The following PDK2 variants were observed in gnomAD, a reference collection of about 807,000 sequenced individuals.
PDK2 encodes pyruvate dehydrogenase kinase 2.
A neutral mutation model predicts 50.4 loss-of-function variants in PDK2; 34 were observed. The ratio of observed to expected loss-of-function variants is 0.68; its 90% CI spans 0.51 to 0.90. PDK2 has a LOEUF of 0.90. Among genes scored for constraint, PDK2 ranks in the 40% least tolerant of loss-of-function variants. PDK2 has a pLI of 0.00. For synonymous variants in PDK2, 232 were observed against 216.0 expected (o/e 1.07, Z -0.65); for missense variants, 377 against 544.5 (o/e 0.69, Z 3.06).
chr17:50,097,697 C>T, intron 2 of PDK2, 133 bp downstream of exon 2: 13 of 1,064,702 alleles, frequency 1.2e-5, no homozygotes, highest in Non-Finnish European at 1.5e-5. Context: ...AAGCCCCAAG[C>T]GCTTGGAGTT....
chr17:50,110,284 A>G lies in PDK2; in HGVS notation c.*187A>G. The G allele has an allele frequency of 1.8e-6, 1 of 543,108 alleles. No individual in the cohort carries two copies. The highest frequency in any genetic ancestry group is 4.4e-5 in the South Asian group (1 of 22,866). The allele number at this position is 543,108 out of a possible 1,614,324, so 33.6% of individuals were successfully genotyped here. A position where few individuals can be genotyped will look rare whatever the true frequency, so the allele number is the denominator to read the frequency against. ...CCTAAGTGCCAGTCCATCTCTGTGGAGACCCCTCGGTGGCCTCCCTATCTC... is the reference window on the plus strand; with the variant it reads ...CCTAAGTGCCAGTCCATCTCTGTGGGGACCCCTCGGTGGCCTCCCTATCTC... On this transcript the variant is annotated 3_prime_UTR_variant, in exon 11 of 11. Coordinates refer to ENST00000503176, the MANE Select transcript of PDK2 (RefSeq NM_002611.5).
intron 3 of PDK2, 117 bp from the exon 4 acceptor site, chr17:50,105,768 C>T: frequency 1.5e-6 from 2 of 1,357,754 alleles, no homozygotes; most frequent in Non-Finnish European, 1.0e-6. Context: ...GCAGGGAGGG[C>T]ACTGGGAGTC....
rs1384666068 is a variant in PDK2 at position 50,105,893 on chromosome 17, A to G, written c.341A>G (p.Asp114Gly). ...TCTGCCCTGCCCCACAGGTTCACTG[A>G]CGCCCTGGTCACCATCCGGAACCGG... ...EDHRTLSQFT[D>G]ALVTIRNRHN... The change falls in exon 4 of 11, where the codon GAC becomes GGC. Residue 114 changes from aspartate to glycine, a missense_variant. By Grantham distance (94) the Asp-to-Gly change is moderately conservative. Around this residue, in one of 3 missense-constraint regions of PDK2, gnomAD observed 63 missense variants for 135.1 expected, o/e 0.47. Coordinates refer to ENST00000503176, the MANE Select transcript of PDK2 (RefSeq NM_002611.5). 17 of 1,613,204 alleles carry G rather than the reference A, an allele frequency of 1.1e-5. No individual in the cohort carries two copies. The highest frequency in any genetic ancestry group is 1.4e-5 in the Non-Finnish European group (17 of 1,179,686).
chr17:50,110,295 T>A lies in PDK2; in HGVS notation c.*198T>A. ...GTCCATCTCTGTGGAGACCCCTCGGTGGCCTCCCTATCTCTGTGGGCGATG... is the reference window on the plus strand; with the variant it reads ...GTCCATCTCTGTGGAGACCCCTCGGAGGCCTCCCTATCTCTGTGGGCGATG... On this transcript the variant is annotated 3_prime_UTR_variant, in exon 11 of 11. Transcript: ENST00000503176. The A allele has an allele frequency of 2.1e-6, 1 of 483,146 alleles. No homozygotes were observed. The highest frequency in any genetic ancestry group is 3.5e-6 in the Non-Finnish European group (1 of 285,358). The allele number at this position is 483,146 out of a possible 1,614,324, so 29.9% of individuals were successfully genotyped here.
At chr17:50,105,784 G>T in intron 3 of PDK2, 101 bp from the exon 4 acceptor site, 1 of 1,460,246 alleles carries the variant, frequency 6.8e-7, no homozygotes, top group South Asian at 1.3e-5. Flanking sequence ...GAGTCCATCG[G>T]ATTGGGAAGG....
intron 2 of PDK2, chr17:50,105,138 G>A (rs1910438437): frequency 2.2e-6 from 1 of 450,352 alleles, no homozygotes; most frequent in Non-Finnish European, 3.9e-6. Flanking sequence ...CCAAAGCAAA[G>A]GTGCTAAACG....
chr17:50,095,099 G>A (rs577897706), upstream of PDK2, among the ~76,000 whole-genome samples: 18 of 152,364 alleles, frequency 1.2e-4, 2 homozygotes, highest in South Asian at 2.1e-3. Context: ...GGTTAACCCG[G>A]GCTTCGCCCC....
chr17:50,106,959 C>A, intron 5 of PDK2, 76 bp downstream of exon 5: 2 of 1,483,594 alleles, frequency 1.3e-6, no homozygotes, highest in Non-Finnish European at 1.9e-6. Flanking sequence ...CAGAGGGTGA[C>A]TCGTTCCTCA....
intron 5 of PDK2, 61 bp downstream of exon 5, chr17:50,106,944 C>G: frequency 6.6e-7 from 1 of 1,520,322 alleles, no homozygotes; most frequent in Non-Finnish European, 9.1e-7. Context: ...CCAAGCTTAC[C>G]TGGCCAGAGG....
chr17:50,102,308 G>A (rs1233490880), intron 2 of PDK2, among the ~76,000 whole-genome samples: 5 of 152,218 alleles, frequency 3.3e-5, no homozygotes, highest in African/African-American at 4.8e-5. Flanking sequence ...ACTCCATGCC[G>A]GTGCCCTTTG....
In PDK2 at chr17:50,101,468, G is replaced by A. The variant is rs944366646; in HGVS notation, c.261-3903G>A. Among the ~76,000 whole-genome samples, 10 of 152,102 alleles carry A rather than the reference G, an allele frequency of 6.6e-5. No homozygotes were observed. The highest frequency in any genetic ancestry group is 2.2e-4 in the African/African-American group (9 of 41,414). Reference sequence around the variant, plus strand: ...TGCCTGGCTCAGAGGCTCCGGAGGCGGGACACCGCCACCTCTCCCCCAAGT... The same window carrying A: ...TGCCTGGCTCAGAGGCTCCGGAGGCAGGACACCGCCACCTCTCCCCCAAGT... On this transcript the variant is annotated intron_variant, in intron 2 of 10. Coordinates refer to ENST00000503176, the MANE Select transcript of PDK2 (RefSeq NM_002611.5). This position sits in a 1 kb window ranked among gnomAD's most constrained non-coding sequence, Gnocchi z 4.2.
chr17:50,101,361 T>A lies in PDK2; in HGVS notation c.260+3797T>A, dbSNP rs1259964099. Among the ~76,000 whole-genome samples the A allele has an allele frequency of 6.6e-6, 1 of 152,092 alleles. No homozygotes were observed. The highest frequency in any genetic ancestry group is 1.9e-4 in the East Asian group (1 of 5,180). ...ACACCCAGGCCCATGAGGTGCTTAC[T>A]CCCATGAACCCCATTTTGCAAATGG... On this transcript the variant is annotated intron_variant, in intron 2 of 10. Transcript: ENST00000503176. This position sits in a 1 kb window ranked among gnomAD's most constrained non-coding sequence, Gnocchi z 4.2.
At chr17:50,107,437 C>T (rs140973602) in intron 6 of PDK2, among the ~76,000 whole-genome samples, 71 of 152,128 alleles carry the variant, frequency 4.7e-4, no homozygotes, top group African/African-American at 1.5e-3. Flanking sequence ...AAAAATTAGC[C>T]GGGCATGATG....
At chr17:50,102,657 G>C (rs1910297787) in intron 2 of PDK2, among the ~76,000 whole-genome samples, 1 of 152,222 alleles carries the variant, frequency 6.6e-6, no homozygotes, top group South Asian at 2.1e-4. Context: ...TTTTGGGTGC[G>C]TTTAGGGAGC....
chr17:50,106,969 A>T, intron 5 of PDK2, 86 bp downstream of exon 5: 2 of 1,471,154 alleles, frequency 1.4e-6, no homozygotes, highest in South Asian at 2.3e-5. Context: ...CTCGTTCCTC[A>T]GTAAGGGGTG....
At position 50,109,143 on chromosome 17, in the gene PDK2, C is replaced by A; in HGVS notation, c.970-144C>A. The A allele has an allele frequency of 1.7e-6, 1 of 597,966 alleles. No individual in the cohort carries two copies. The highest frequency in any genetic ancestry group is 3.0e-5 in the Admixed American group (1 of 33,680). 37.0% of individuals were successfully genotyped at this position (597,966 alleles called of 1,614,324 possible). On this transcript the variant is annotated intron_variant, in intron 9 of 10. Coordinates refer to ENST00000503176, the MANE Select transcript of PDK2 (RefSeq NM_002611.5). This position sits in a 1 kb window ranked among gnomAD's most constrained non-coding sequence, Gnocchi z 5.0. ...CCACACACACTTCTTACCTCAGTGT[C>A]CCCTCCCACATGTCCCCTCCCAGCT...
intron 2 of PDK2, among the ~76,000 whole-genome samples, chr17:50,099,653 C>T (rs550250444): frequency 9.2e-5 from 14 of 152,282 alleles, no homozygotes; most frequent in South Asian, 2.1e-4. Context: ...ATTAGCCGGG[C>T]GCGGTGGCGG....
chr17:50,095,407 C>G lies in PDK2; in HGVS notation c.-29C>G, dbSNP rs769978611. On this transcript the variant is annotated 5_prime_UTR_variant, in exon 1 of 11. Coordinates refer to ENST00000503176, the MANE Select transcript of PDK2 (RefSeq NM_002611.5). ...TGCGCGAGCGCTGCCCGCGCGGGGA[C>G]CACAACCAAAGTCGCGGCCGCCGCA... 8 of 1,543,444 alleles carry G rather than the reference C, an allele frequency of 5.2e-6. No homozygotes were observed. The South Asian group carries it at 8.0e-5, about 15-fold the overall frequency.
chr17:50,105,319 G>T, intron 2 of PDK2, 52 bp from the exon 3 acceptor site: 1 of 1,402,288 alleles, frequency 7.1e-7, no homozygotes, highest in Non-Finnish European at 9.8e-7. Flanking sequence ...AGTGGGTGAG[G>T]AGGGGCTAGC....
Sources: allele counts gnomAD v4.1 joint callset (sites outside exome capture counted in the v4.1 genomes callset), GRCh38; gene constraint gnomAD v4.1.1; regional missense constraint gnomAD v4.1.1; non-coding constraint Gnocchi (gnomAD v3.1); transcripts MANE v1.5; gene names NCBI Gene and HGNC (gene_info 2026-07-23, HGNC 2026-07-21).